ANKRD36: variants seen among roughly 807,000 people sequenced by gnomAD.
The protein encoded by ANKRD36 is ankyrin repeat domain-containing protein 36A.
ANKRD36 carries 179 observed loss-of-function variants against 278.1 expected under a neutral mutation model. The ratio of observed to expected loss-of-function variants is 0.64; its 90% confidence interval spans 0.57 to 0.73. The LOEUF (loss-of-function observed/expected upper bound fraction) is 0.73, where lower values mean the gene tolerates loss of function less well. Among genes scored for constraint, ANKRD36 ranks in the 30% least tolerant of loss-of-function variants. The probability of loss-of-function intolerance (pLI) is 0.00; values close to 1 mark genes in which losing one functional copy is unlikely to be tolerated. For synonymous variants in ANKRD36, 320 were observed against 641.1 expected, an observed-to-expected ratio of 0.50 and a Z score of 7.57; for missense variants, 1,159 against 1,956.7, an observed-to-expected ratio of 0.59 and a Z score of 7.69.
chr2:97,221,945 T>A (rs2067842286), intron 66 of ANKRD36, among the ~76,000 whole-genome samples: 1 of 147,666 alleles, frequency 6.8e-6, no homozygotes, highest in Non-Finnish European at 1.5e-5. Flanking sequence ...CATCTTGAAT[T>A]GATTTTTGTA....
intron 13 of ANKRD36, 130 bp downstream of exon 13, chr2:97,152,069 T>G: frequency 3.4e-6 from 2 of 591,554 alleles, no homozygotes; most frequent in Non-Finnish European, 5.8e-6. Flanking sequence ...CTTGGCTCAC[T>G]GCAGTTTCCA....
At position 97,116,242 on chromosome 2, in the gene ANKRD36, TCA is replaced by T. The variant is rs545595265; in HGVS notation, c.198-1821_198-1820del. 1.2e-4 allele frequency among the ~76,000 whole-genome samples: 19 copies of T among 152,188 alleles called. 1 individual carries two copies. The South Asian group carries it at 2.7e-3, about 22-fold the overall frequency. ...AAATCTTGCAAAGAAAAAATAATTC[TCA>T]GTTTCTATTTTATTTTATTATTTAT... is the stretch of plus-strand genomic sequence containing the variant. On this transcript the variant is annotated intron_variant, in intron 1 of 75. Coordinates refer to ENST00000420699, the MANE Select transcript of ANKRD36 (RefSeq NM_001354587.1).
chr2:97,113,507 A>G lies in ANKRD36; in HGVS notation c.-233A>G. 5.3e-6 allele frequency: 3 copies of G among 561,820 alleles called. No homozygotes were observed. Among genetic ancestry groups the G allele is most frequent in the Non-Finnish European group, 6.1e-6 (2 of 327,784 alleles). 34.8% of individuals were successfully genotyped at this position (561,820 alleles called of 1,614,324 possible). On this transcript the variant is annotated 5_prime_UTR_variant, in exon 1 of 76. Coordinates refer to ENST00000420699, the MANE Select transcript of ANKRD36 (RefSeq NM_001354587.1). ...CCGCCGCCTGCACTGGGCGCGCGAG[A>G]GCTGCTAGGGCGGTTTCTCTGCCTC...
intron 64 of ANKRD36, among the ~76,000 whole-genome samples, chr2:97,217,658 G>T (rs1396825188): frequency 1.3e-5 from 2 of 152,048 alleles, no homozygotes; most frequent in Non-Finnish European, 2.9e-5. Context: ...GCATAATTTT[G>T]CTCTTATTTC....
At position 97,178,490 on chromosome 2, in the gene ANKRD36, A is replaced by C. The variant is rs568990654; in HGVS notation, c.1634-1248A>C. The stretch of plus-strand genomic sequence containing the variant: ...TGGCACATATACACCATGGAATACT[A>C]TGCAGCCATAAAAAATGATGAGTTC... On this transcript the variant is annotated intron_variant, in intron 22 of 75. Transcript: ENST00000420699. Among the ~76,000 whole-genome samples, 11 of 151,938 alleles carry C rather than the reference A, an allele frequency of 7.2e-5. 1 individual carries two copies. The highest frequency in any genetic ancestry group is 5.3e-4 in the Admixed American group (8 of 15,186).
chr2:97,201,723 C>A (rs1294488920), intron 46 of ANKRD36, among the ~76,000 whole-genome samples: 2 of 151,934 alleles, frequency 1.3e-5, no homozygotes, highest in Non-Finnish European at 1.5e-5. Context: ...ATAAGTTCAA[C>A]TGAAGCATCA....
chr2:97,185,052 C>G (rs1320066769), intron 28 of ANKRD36, among the ~76,000 whole-genome samples: 5 of 151,754 alleles, frequency 3.3e-5, no homozygotes, highest in Non-Finnish European at 1.5e-5. Flanking sequence ...TCAGCATATT[C>G]ACATTGATAG....
At chr2:97,204,914 C>T (rs1191550045) in intron 50 of ANKRD36, among the ~76,000 whole-genome samples, 1 of 151,478 alleles carries the variant, frequency 6.6e-6, no homozygotes, top group Non-Finnish European at 1.5e-5. Flanking sequence ...TAACTCATTA[C>T]TCCTCTTTGT....
chr2:97,160,862 C>T (rs2923996), intron 17 of ANKRD36, among the ~76,000 whole-genome samples: 1 of 151,876 alleles, frequency 6.6e-6, no homozygotes, highest in Non-Finnish European at 1.5e-5. Flanking sequence ...TTGAATTATT[C>T]CTTTAGATAA....
At chr2:97,203,400 T>C (rs1169385243) in intron 48 of ANKRD36, among the ~76,000 whole-genome samples, 2 of 151,870 alleles carry the variant, frequency 1.3e-5, no homozygotes, top group African/African-American at 4.8e-5. Context: ...TAATATATTA[T>C]CCCTTCGTGC....
intron 66 of ANKRD36, among the ~76,000 whole-genome samples, chr2:97,223,404 AC>A (rs1346617146): frequency 6.6e-6 from 1 of 151,786 alleles, no homozygotes; most frequent in Non-Finnish European, 1.5e-5. Context: ...CAGCCTATAC[AC>A]TATTTTTGAT....
chr2:97,199,218 T>G (rs1459770425), intron 44 of ANKRD36, among the ~76,000 whole-genome samples: 1 of 151,878 alleles, frequency 6.6e-6, no homozygotes, highest in Non-Finnish European at 1.5e-5. Flanking sequence ...TGGGAATATT[T>G]CCATAAGAAA....
intron 5 of ANKRD36, among the ~76,000 whole-genome samples, chr2:97,126,466 G>C (rs1189298905): frequency 1.3e-5 from 2 of 151,938 alleles, no homozygotes; most frequent in Non-Finnish European, 2.9e-5. Context: ...TTATGAAATA[G>C]TTGAGATAAC....
intron 48 of ANKRD36, among the ~76,000 whole-genome samples, chr2:97,203,237 T>G (rs2061885915): frequency 1.3e-5 from 2 of 151,818 alleles, no homozygotes; most frequent in Admixed American, 6.6e-5. Flanking sequence ...AAACAAAAAT[T>G]ATGCTGGATT....
intron 36 of ANKRD36, 120 bp from the exon 37 acceptor site, chr2:97,192,738 C>G: frequency 7.4e-7 from 1 of 1,352,900 alleles, no homozygotes; most frequent in South Asian, 1.2e-5. Context: ...AAAGTAGAAG[C>G]CATCAAAGCC....
intron 75 of ANKRD36, among the ~76,000 whole-genome samples, chr2:97,256,337 AC>A (rs1254871195): frequency 6.6e-6 from 1 of 152,214 alleles, no homozygotes; most frequent in African/African-American, 2.4e-5. Flanking sequence ...ACCCTGGGCA[AC>A]AAAAGCAAAA....
chr2:97,206,006 A>G (rs762527643), intron 51 of ANKRD36, 38 bp downstream of exon 51: 36 of 1,546,232 alleles, frequency 2.3e-5, no homozygotes, highest in Non-Finnish European at 2.8e-5. Context: ...ACGAGTTAAT[A>G]TATGGTCTAT....
rs1483868629 is a variant in ANKRD36, at chr2:97,151,930, A to G, written c.1153A>G (p.Ile385Val). 7 of 1,453,592 alleles carry G rather than the reference A, an allele frequency of 4.8e-6. No individual in the cohort carries two copies. The highest frequency in any genetic ancestry group is 1.4e-5 in the African/African-American group (1 of 71,258). 90.0% of individuals were successfully genotyped at this position (1,453,592 alleles called of 1,614,324 possible). Reference sequence around the variant, plus strand: ...GAGAAAGATTATTTCTCCACGATCTATAAAAGATGGTAAGTTATTTGAAGG... The same window carrying G: ...GAGAAAGATTATTTCTCCACGATCTGTAAAAGATGGTAAGTTATTTGAAGG... ...PKRKIISPRSIKDVLPPVEEA... is the reference protein window; with the variant it reads ...PKRKIISPRSVKDVLPPVEEA... Residue 385 changes from isoleucine (I) to valine (V), a missense_variant, in exon 13 of 76, where the codon ATA becomes GTA. Coordinates refer to ENST00000420699, the MANE Select transcript of ANKRD36 (RefSeq NM_001354587.1).
At position 97,185,479 on chromosome 2, in the gene ANKRD36, A is replaced by G; in HGVS notation, c.2010A>G (p.Thr670=). Residue 670 remains threonine (T), a synonymous_variant, in exon 30 of 76, where the codon ACA becomes ACG. Transcript: ENST00000420699. The part of the protein sequence containing the change: ...DKTDSALNIA[T]EIKDGLQCGT... ...CAGATTCTGCTTTGAATATAGCTAC[A>G]GAAATAAAGGATGGACTACAGTGTG... 6.2e-7 allele frequency: 1 copy of G among 1,611,170 alleles called. No homozygotes were observed. Among genetic ancestry groups the G allele is most frequent in the Non-Finnish European group, 8.5e-7 (1 of 1,178,632 alleles).
Sources: gnomAD v4.1 joint callset for allele counts (sites outside exome capture counted in the v4.1 genomes callset) on GRCh38, gnomAD v4.1.1 for gene constraint, MANE v1.5 for transcripts, NCBI Gene and HGNC (gene_info 2026-07-23, HGNC 2026-07-21) for gene names.